The following DCC variants were observed in gnomAD, a reference collection of about 807,000 sequenced individuals.
DCC encodes the protein netrin receptor DCC.
DCC carries 58 observed loss-of-function variants against 172.5 expected under a neutral mutation model. That is an observed-to-expected ratio of 0.34 (90% confidence interval 0.27 to 0.42). The LOEUF (loss-of-function observed/expected upper bound fraction) is 0.42. Among genes scored for constraint, DCC ranks in the 10% least tolerant of loss-of-function variants. The pLI is 1.00. For missense variants in DCC, 1,740 were observed against 1,791.0 expected, an observed-to-expected ratio of 0.97 and a Z score of 0.51; for synonymous variants, 709 against 644.5, an observed-to-expected ratio of 1.10 and a Z score of -1.52.
chr18:52,768,984 A>T (rs2145162090), intron 2 of DCC, among the ~76,000 whole-genome samples: 1 of 152,098 alleles, frequency 6.6e-6, no homozygotes, highest in African/African-American at 2.4e-5. Context: ...TCCCAAAAGG[A>T]TCATATGTGG....
intron 5 of DCC, among the ~76,000 whole-genome samples, chr18:52,930,227 G>T (rs1440330385): frequency 6.6e-6 from 1 of 151,900 alleles, no homozygotes; most frequent in African/African-American, 2.4e-5. Context: ...GGCCTCCCAA[G>T]GTTCTGGGAT....
At chr18:53,280,409 C>A (rs898453737) in intron 12 of DCC, among the ~76,000 whole-genome samples, 1 of 152,198 alleles carries the variant, frequency 6.6e-6, no homozygotes, top group East Asian at 1.9e-4. Context: ...CATGAAGTTA[C>A]TGAAAATAGT....
chr18:52,663,734 C>T (rs1179816070), intron 1 of DCC, among the ~76,000 whole-genome samples: 2 of 152,116 alleles, frequency 1.3e-5, no homozygotes, highest in Admixed American at 6.5e-5. Context: ...ACTACATTCT[C>T]GCTTTCCATA....
intron 13 of DCC, among the ~76,000 whole-genome samples, chr18:53,311,418 C>T (rs1055784942): frequency 6.6e-5 from 10 of 152,112 alleles, no homozygotes; most frequent in Non-Finnish European, 1.0e-4. Context: ...CCACCGCACC[C>T]GGCCATACTG....
At chr18:52,929,541 T>C (rs1349344140) in intron 5 of DCC, among the ~76,000 whole-genome samples, 2 of 152,110 alleles carry the variant, frequency 1.3e-5, no homozygotes, top group African/African-American at 4.8e-5. Flanking sequence ...TACAAGCTGT[T>C]CTTTGAAAAT....
At chr18:53,418,198 A>G (rs558523223) in intron 21 of DCC, among the ~76,000 whole-genome samples, 2 of 152,280 alleles carry the variant, frequency 1.3e-5, no homozygotes, top group Admixed American at 6.6e-5. Flanking sequence ...AACTCAATTC[A>G]CTTATAAAAT....
intron 14 of DCC, among the ~76,000 whole-genome samples, chr18:53,323,885 G>C (rs748259181): frequency 2.6e-5 from 4 of 152,124 alleles, no homozygotes; most frequent in Non-Finnish European, 5.9e-5. Flanking sequence ...ACTGAAAAAG[G>C]CCATCAAGAA....
intron 3 of DCC, among the ~76,000 whole-genome samples, chr18:52,907,938 G>A (rs1036550161): frequency 6.6e-6 from 1 of 152,092 alleles, no homozygotes; most frequent in Non-Finnish European, 1.5e-5. Context: ...TCTTCTCTGG[G>A]AAATCCCTAA....
At chr18:52,406,278 T>G (rs911258532) in intron 1 of DCC, among the ~76,000 whole-genome samples, 1 of 148,946 alleles carries the variant, frequency 6.7e-6, no homozygotes, top group Non-Finnish European at 1.5e-5. Context: ...ACTTCATGTC[T>G]AAAACACCAA....
intron 19 of DCC, 46 bp downstream of exon 19, chr18:53,402,939 A>G (rs1269658235): frequency 1.5e-6 from 2 of 1,377,900 alleles, no homozygotes; most frequent in Non-Finnish European, 2.1e-6. Context: ...CCCTTGTCCT[A>G]TAATTGCTTA....
At chr18:53,136,137 G>A (rs1598838086) in intron 7 of DCC, among the ~76,000 whole-genome samples, 1 of 151,868 alleles carries the variant, frequency 6.6e-6, no homozygotes, top group East Asian at 1.9e-4. Context: ...AAAATTGGAT[G>A]TGTGTGTGTA....
At chr18:52,893,756 T>A (rs2039687811) in intron 2 of DCC, among the ~76,000 whole-genome samples, 1 of 152,152 alleles carries the variant, frequency 6.6e-6, no homozygotes, top group South Asian at 2.1e-4. Flanking sequence ...CATATGTTAC[T>A]ATCTGTTAAT....
intron 7 of DCC, among the ~76,000 whole-genome samples, chr18:53,083,142 A>G (rs540891699): frequency 1.3e-5 from 2 of 152,256 alleles, no homozygotes; most frequent in Non-Finnish European, 2.9e-5. Context: ...GTTTCAATAC[A>G]ATTTTCTGTT....
intron 12 of DCC, among the ~76,000 whole-genome samples, chr18:53,278,351 T>C (rs1375946206): frequency 6.6e-6 from 1 of 152,118 alleles, no homozygotes; most frequent in East Asian, 1.9e-4. Flanking sequence ...TAGGGTAACA[T>C]TGACACAGCA....
chr18:52,464,539 CAAAGCGGTGATTTT>C (rs1484960491), intron 1 of DCC, among the ~76,000 whole-genome samples: 1 of 152,130 alleles, frequency 6.6e-6, no homozygotes, highest in Non-Finnish European at 1.5e-5. Flanking sequence ...GGGAGCAACG[CAAAGCGGTGATTTT>C]AAAATTTGCA....
chr18:53,360,363 T>G (rs2057932719), intron 15 of DCC, among the ~76,000 whole-genome samples: 1 of 152,176 alleles, frequency 6.6e-6, no homozygotes, highest in Non-Finnish European at 1.5e-5. Context: ...ATGTGAGTTA[T>G]TTACATATTT....
intron 20 of DCC, among the ~76,000 whole-genome samples, chr18:53,414,570 C>T (rs185884272): frequency 4.2e-4 from 64 of 152,138 alleles, no homozygotes; most frequent in African/African-American, 1.5e-3. Context: ...AAACATTGGC[C>T]GGGCGTGGTG....
intron 1 of DCC, among the ~76,000 whole-genome samples, chr18:52,607,065 C>A (rs1369732752): frequency 6.6e-6 from 1 of 152,030 alleles, no homozygotes; most frequent in Non-Finnish European, 1.5e-5. Context: ...GAACAAACAC[C>A]AAAATCTCAG....
intron 12 of DCC, chr18:53,237,084 AATAT>A (rs764103496): frequency 1.3e-5 from 2 of 151,756 alleles, no homozygotes; most frequent in South Asian, 2.1e-4. Flanking sequence ...ACTCTCCACA[AATAT>A]ATATATATTA....
Sources: allele counts gnomAD v4.1 joint callset (sites outside exome capture counted in the v4.1 genomes callset), GRCh38; gene constraint gnomAD v4.1.1; transcripts MANE v1.5; gene names NCBI Gene and HGNC (gene_info 2026-07-23, HGNC 2026-07-21).